Variants in ZSWIM5 observed in about 807,000 individuals in gnomAD.
ZSWIM5 encodes the protein zinc finger SWIM-type containing 5.
In ZSWIM5, 55 loss-of-function variants were observed where a neutral mutation model predicts 119.6. The observed-to-expected ratio is 0.46, with a 90% CI of 0.37 to 0.58. The LOEUF (loss-of-function observed/expected upper bound fraction) is 0.58, where lower values mean the gene tolerates loss of function less well. ZSWIM5 is among the 20% of genes least tolerant of loss of function. The pLI is 0.00. For synonymous variants in ZSWIM5, 537 were observed against 606.9 expected (o/e 0.88, Z 1.69); for missense variants, 1,193 against 1,512.8 (o/e 0.79, Z 3.51).
intron 1 of ZSWIM5, among the ~76,000 whole-genome samples, chr1:45,164,060 C>A (rs570766930): frequency 1.3e-5 from 2 of 152,264 alleles, no homozygotes; most frequent in Admixed American, 6.5e-5. Flanking sequence ...ATGTTGAGGG[C>A]AGCCAGAGAG....
intron 1 of ZSWIM5, among the ~76,000 whole-genome samples, chr1:45,096,455 T>TGC (rs1645402773): frequency 6.9e-6 from 1 of 145,164 alleles, no homozygotes; most frequent in Admixed American, 6.7e-5. Flanking sequence ...TGTGTGTGTG[T>TGC]GTGTGTGCGT....
chr1:45,134,091 C>A (rs925705666), intron 1 of ZSWIM5, among the ~76,000 whole-genome samples: 2 of 152,016 alleles, frequency 1.3e-5, no homozygotes, highest in Non-Finnish European at 2.9e-5. Context: ...CTTGGCGATG[C>A]GGGCTCTTTT....
chr1:45,156,368 C>T lies in ZSWIM5; in HGVS notation c.595+49388G>A, dbSNP rs1367594817. 2.6e-5 allele frequency among the ~76,000 whole-genome samples: 4 copies of T among 152,034 alleles called. 1 individual carries two copies. In the South Asian group the frequency reaches 8.3e-4, roughly 32 times the overall value. Reference sequence around the variant, plus strand: ...TCACTATATGGGTGACAGGATCAATCATACCCCAAACATCAGCACCACACA... The same window carrying T: ...TCACTATATGGGTGACAGGATCAATTATACCCCAAACATCAGCACCACACA... On this transcript the variant is annotated intron_variant, in intron 1 of 13. Transcript: ENST00000359600.
chr1:45,040,547 TAAG>T lies in ZSWIM5; in HGVS notation c.1610-12_1610-10del, dbSNP rs780959504. Reference sequence around the variant, plus strand: ...GGCTGTAGGCACATGCTCTACCAAGTAAGAAGAAGATATTTTGGTCTAGTTAAA... The same window carrying T: ...GGCTGTAGGCACATGCTCTACCAAGTAAGAAGATATTTTGGTCTAGTTAAA... On this transcript the variant is annotated splice_polypyrimidine_tract_variant and intron_variant, in intron 6 of 13. Coordinates refer to ENST00000359600, the MANE Select transcript of ZSWIM5 (RefSeq NM_020883.2). 21 of 1,571,228 alleles carry T rather than the reference TAAG, an allele frequency of 1.3e-5. No individual in the cohort carries two copies. The highest frequency in any genetic ancestry group is 5.5e-5 in the African/African-American group (4 of 72,586).
At chr1:45,124,850 A>G (rs566436023) in intron 1 of ZSWIM5, among the ~76,000 whole-genome samples, 1 of 151,978 alleles carries the variant, frequency 6.6e-6, no homozygotes, top group Admixed American at 6.5e-5. Flanking sequence ...ATTATCAGAA[A>G]GTGAGGGACA....
rs79343273 is a variant in ZSWIM5, at chr1:45,029,131, C to A, written c.2449+5181G>T. On this transcript the variant is annotated intron_variant, in intron 11 of 13. Transcript: ENST00000359600. The stretch of plus-strand genomic sequence containing the variant: ...ACAACCATCAAAAGCAGCAAATTAA[C>A]AGATATATTCCTACCATCTACCACC... Among the ~76,000 whole-genome samples the A allele has an allele frequency of 5.1e-3, 774 of 152,320 alleles. 31 individuals are homozygous for A. The highest frequency in any genetic ancestry group is 0.044 in the East Asian group (228 of 5,182).
At chr1:45,166,603 G>T (rs1017674070) in intron 1 of ZSWIM5, among the ~76,000 whole-genome samples, 11 of 152,114 alleles carry the variant, frequency 7.2e-5, no homozygotes, top group African/African-American at 9.7e-5. Context: ...TCCTTAAGCT[G>T]ATACGCAACT....
intron 1 of ZSWIM5, among the ~76,000 whole-genome samples, chr1:45,177,814 A>G (rs1434529050): frequency 6.6e-6 from 1 of 152,052 alleles, no homozygotes; most frequent in African/African-American, 2.4e-5. Context: ...ATCCCTTAAT[A>G]CAATGCATTC....
At chr1:45,109,721 G>T (rs1337508518) in intron 1 of ZSWIM5, among the ~76,000 whole-genome samples, 1 of 148,680 alleles carries the variant, frequency 6.7e-6, no homozygotes, top group Non-Finnish European at 1.5e-5. Context: ...ATCCATCCTG[G>T]GCGACAGAGC....
chr1:45,206,008 A>G lies in ZSWIM5; in HGVS notation c.343T>C (p.Phe115Leu). The G allele has an allele frequency of 6.3e-7, 1 of 1,582,526 alleles. No individual in the cohort carries two copies. The highest frequency in any genetic ancestry group is 8.6e-7 in the Non-Finnish European group (1 of 1,166,270). ...NEREICMYSS[F>L]QYRGGPGAGA... Reference sequence around the variant, plus strand: ...GCGCCGGGGCCGCCCCGGTACTGGAAGCTGGAGTACATGCAGATCTCCCGC... The same window carrying G: ...GCGCCGGGGCCGCCCCGGTACTGGAGGCTGGAGTACATGCAGATCTCCCGC... Residue 115 changes from phenylalanine to leucine, a missense_variant, in exon 1 of 14, where the codon TTC becomes CTC. Physicochemically the swap from Phe to Leu is conservative, Grantham distance 22. Transcript: ENST00000359600.
At chr1:45,184,166 G>C (rs1255009339) in intron 1 of ZSWIM5, among the ~76,000 whole-genome samples, 1 of 152,128 alleles carries the variant, frequency 6.6e-6, no homozygotes, top group East Asian at 1.9e-4. Flanking sequence ...TATCTCAACA[G>C]ATGCAGAAAA....
At position 45,205,837 on chromosome 1, in the gene ZSWIM5, C is replaced by G. The variant is rs1170575996; in HGVS notation, c.514G>C (p.Gly172Arg). 1 of 1,484,072 alleles carries G rather than the reference C, an allele frequency of 6.7e-7. No individual in the cohort carries two copies. The highest frequency in any genetic ancestry group is 2.9e-5 in the East Asian group (1 of 34,494). 91.9% of individuals were successfully genotyped at this position (1,484,072 alleles called of 1,614,324 possible). Residue 172 changes from glycine to arginine, a missense_variant, in exon 1 of 14, where the codon GGC becomes CGC. Gly to Arg is a moderately radical substitution (Grantham distance 125). This residue lies in a region of ZSWIM5 where 961 missense variants were observed against 1,290.0 expected (regional missense o/e 0.74). Transcript: ENST00000359600. ...AACGGGAGCCCCTCGCCACCGCAGC[C>G]GGCCGCGCCGGCCCCTGCGCCCAGC... ...PGLGAGAGAAGCGGEGLPFRR... is the reference protein window; with the variant it reads ...PGLGAGAGAARCGGEGLPFRR...
intron 1 of ZSWIM5, among the ~76,000 whole-genome samples, chr1:45,129,164 T>G (rs1001818147): frequency 7.6e-5 from 11 of 144,100 alleles, no homozygotes; most frequent in South Asian, 4.6e-4. Flanking sequence ...TTTTTTTTTT[T>G]TTTTTTTTTT....
At chr1:45,182,923 AC>A (rs1248361335) in intron 1 of ZSWIM5, among the ~76,000 whole-genome samples, 1 of 150,834 alleles carries the variant, frequency 6.6e-6, no homozygotes, top group African/African-American at 2.4e-5. Flanking sequence ...AGAACTCTCC[AC>A]CCCAAATCAA....
chr1:45,186,939 T>G (rs879064943), intron 1 of ZSWIM5, among the ~76,000 whole-genome samples: 1 of 152,176 alleles, frequency 6.6e-6, no homozygotes, highest in East Asian at 1.9e-4. Flanking sequence ...TGTAAAATAT[T>G]AAATATGTGT....
intron 11 of ZSWIM5, among the ~76,000 whole-genome samples, chr1:45,021,851 C>T (rs975621214): frequency 6.6e-6 from 1 of 151,826 alleles, no homozygotes; most frequent in Non-Finnish European, 1.5e-5. Flanking sequence ...GAAACCCCGT[C>T]TCTACTAAAA....
At chr1:45,194,546 C>T (rs543712876) in intron 1 of ZSWIM5, among the ~76,000 whole-genome samples, 4 of 152,080 alleles carry the variant, frequency 2.6e-5, no homozygotes, top group Non-Finnish European at 2.9e-5. Context: ...CAAAGTATTA[C>T]GGGGCATAAA....
intron 1 of ZSWIM5, among the ~76,000 whole-genome samples, chr1:45,167,142 A>G (rs1180972069): frequency 1.3e-5 from 2 of 152,096 alleles, no homozygotes; most frequent in Non-Finnish European, 2.9e-5. Context: ...CCCATGGAAC[A>G]GAACAGAGCC....
rs779423326 is a variant in ZSWIM5, at chr1:45,019,137, T to C, written c.2875A>G (p.Met959Val). 1.9e-6 allele frequency: 3 copies of C among 1,613,922 alleles called. No homozygotes were observed. Among genetic ancestry groups the C allele is most frequent in the Non-Finnish European group, 2.5e-6 (3 of 1,180,024 alleles). Residue 959 changes from methionine to valine, a missense_variant, in exon 14 of 14, where the codon ATG becomes GTG. Coordinates refer to ENST00000359600, the MANE Select transcript of ZSWIM5 (RefSeq NM_020883.2). This position sits in a 1 kb window ranked among gnomAD's most constrained non-coding sequence, Gnocchi z 5.0. ...AGGGCACAGCTCTGTGGATCCTTCATAGCACACTGTAGAGCCAGTGTGCGA... is the reference window on the plus strand; with the variant it reads ...AGGGCACAGCTCTGTGGATCCTTCACAGCACACTGTAGAGCCAGTGTGCGA... ...CARTLALQCA[M>V]KDPQSCALSA...
Sources: allele counts gnomAD v4.1 joint callset (sites outside exome capture counted in the v4.1 genomes callset), GRCh38; gene constraint gnomAD v4.1.1; regional missense constraint gnomAD v4.1.1; non-coding constraint Gnocchi (gnomAD v3.1); transcripts MANE v1.5; gene names NCBI Gene and HGNC (gene_info 2026-07-23, HGNC 2026-07-21).